The following PCMTD1 variants were observed in gnomAD, a reference collection of about 807,000 sequenced individuals.
PCMTD1 encodes protein-L-isoaspartate (D-aspartate) O-methyltransferase domain containing 1, also known as protein-L-isoaspartate O-methyltransferase domain-containing protein 1.
A neutral mutation model predicts 37.6 loss-of-function variants in PCMTD1; 12 were observed. That is an observed-to-expected ratio of 0.32 (90% CI 0.20 to 0.52). PCMTD1 has a LOEUF of 0.52. PCMTD1 is among the 20% of genes least tolerant of loss of function. The pLI is 0.97. For synonymous variants in PCMTD1, 117 were observed against 135.8 expected, an observed-to-expected ratio of 0.86 and a Z score of 0.96; for missense variants, 235 against 421.3, an observed-to-expected ratio of 0.56 and a Z score of 3.87.
At chr8:51,839,329 A>G in intron 3 of PCMTD1, 1 of 377,964 alleles carries the variant, frequency 2.6e-6, no homozygotes, top group Non-Finnish European at 3.6e-6. Flanking sequence ...AGTAATTGAC[A>G]TACTCTTAAT....
At chr8:51,828,358 G>T (rs2037950837) in intron 5 of PCMTD1, among the ~76,000 whole-genome samples, 1 of 152,086 alleles carries the variant, frequency 6.6e-6, no homozygotes, top group Non-Finnish European at 1.5e-5. Flanking sequence ...TACTATTGTT[G>T]CAAGAAGTAG....
At chr8:51,874,053 C>T (rs1295426725) in intron 1 of PCMTD1, among the ~76,000 whole-genome samples, 1 of 152,060 alleles carries the variant, frequency 6.6e-6, no homozygotes, top group African/African-American at 2.4e-5. Flanking sequence ...GCACGCACCA[C>T]CACGCCTGGC....
intron 3 of PCMTD1, among the ~76,000 whole-genome samples, chr8:51,835,693 T>C (rs2038058110): frequency 6.6e-6 from 1 of 152,234 alleles, no homozygotes; most frequent in Non-Finnish European, 1.5e-5. Context: ...ATTTTTGAAT[T>C]ATTAAACCAC....
At chr8:51,859,297 G>A (rs1413690824) in intron 2 of PCMTD1, among the ~76,000 whole-genome samples, 4 of 151,778 alleles carry the variant, frequency 2.6e-5, no homozygotes, top group Admixed American at 1.3e-4. Flanking sequence ...TTTGCAGACT[G>A]TCTCAAACCC....
rs1042273312 is a variant in PCMTD1 at position 51,898,995 on chromosome 8, G to A, written c.-161C>T. On this transcript the variant is annotated 5_prime_UTR_variant, in exon 1 of 6. Coordinates refer to ENST00000522514, the MANE Select transcript of PCMTD1 (RefSeq NM_052937.4). ...TCGGCGGGGTCCGCAGCAGCCAGAC[G>A]CCGCTACCACCACAATAACAACACG... 6 of 1,507,414 alleles carry A rather than the reference G, an allele frequency of 4.0e-6. No individual in the cohort carries two copies. The highest frequency in any genetic ancestry group is 2.5e-5 in the South Asian group (2 of 80,240). The allele number at this position is 1,507,414 out of a possible 1,614,324, so 93.4% of individuals were successfully genotyped here. A position where few individuals can be genotyped will look rare whatever the true frequency, so the allele number is the denominator to read the frequency against.
At chr8:51,823,159 AG>A (rs2037872789) in intron 5 of PCMTD1, among the ~76,000 whole-genome samples, 1 of 152,182 alleles carries the variant, frequency 6.6e-6, no homozygotes, top group South Asian at 2.1e-4. Flanking sequence ...CATTCATGTG[AG>A]CTTCATTTAA....
rs963048948 is a variant in PCMTD1 at position 51,872,046 on chromosome 8, T to C, written c.-95-10800A>G. Among the ~76,000 whole-genome samples, 23 of 152,350 alleles carry C rather than the reference T, an allele frequency of 1.5e-4. No individual in the cohort carries two copies. In the East Asian group the frequency reaches 1.9e-3, roughly 13 times the overall value. On this transcript the variant is annotated intron_variant, in intron 1 of 5. Coordinates refer to ENST00000522514, the MANE Select transcript of PCMTD1 (RefSeq NM_052937.4). Reference sequence around the variant, plus strand: ...CTTGGAAACAGTGTGAACTCCAAGATAGAGAAACAGTAGATGGTAGTTCTA... The same window carrying C: ...CTTGGAAACAGTGTGAACTCCAAGACAGAGAAACAGTAGATGGTAGTTCTA...
intron 1 of PCMTD1, among the ~76,000 whole-genome samples, chr8:51,868,257 A>G (rs1432772136): frequency 6.6e-6 from 1 of 152,182 alleles, no homozygotes; most frequent in Non-Finnish European, 1.5e-5. Context: ...TACTCGTTTA[A>G]CCACACTGAG....
At chr8:51,863,914 G>C (rs1330200696) in intron 1 of PCMTD1, among the ~76,000 whole-genome samples, 1 of 133,604 alleles carries the variant, frequency 7.5e-6, no homozygotes, top group Admixed American at 8.3e-5. Flanking sequence ...GCGACAGTGA[G>C]ATTCCCTCTC....
chr8:51,878,873 C>T (rs1466528509), intron 1 of PCMTD1, among the ~76,000 whole-genome samples: 1 of 152,112 alleles, frequency 6.6e-6, no homozygotes, highest in Middle Eastern at 3.2e-3. Flanking sequence ...GCCTATAATC[C>T]CAGCACTTTG....
chr8:51,821,123 G>C (rs918076268), intron 5 of PCMTD1, among the ~76,000 whole-genome samples: 2 of 152,192 alleles, frequency 1.3e-5, no homozygotes, highest in Non-Finnish European at 2.9e-5. Flanking sequence ...ACAGATGTGA[G>C]ATCCCATCCC....
At chr8:51,896,811 T>A (rs1216460574) in intron 1 of PCMTD1, among the ~76,000 whole-genome samples, 1 of 149,356 alleles carries the variant, frequency 6.7e-6, no homozygotes, top group Non-Finnish European at 1.5e-5. Context: ...TTTTCGTTCA[T>A]AGGAGGTAAA....
chr8:51,854,931 T>A (rs34973406), intron 2 of PCMTD1, among the ~76,000 whole-genome samples: 17,642 of 150,266 alleles, frequency 0.12, 1,246 homozygotes, highest in East Asian at 0.16. Context: ...TCCAAGCACT[T>A]TGGGAGGCCA....
At position 51,895,934 on chromosome 8, in the gene PCMTD1, A is replaced by ATTTTTTTTTTTTTTTTTT. The variant is rs1563367741; in HGVS notation, c.-96+2995_-96+2996insAAAAAAAAAAAAAAAAAA. 3.4e-5 allele frequency: 4 copies of ATTTTTTTTTTTTTTTTTT among 116,670 alleles called. 2 individuals carry two copies. Among genetic ancestry groups the ATTTTTTTTTTTTTTTTTT allele is most frequent in the Non-Finnish European group, 3.4e-5 (2 of 58,622 alleles). The allele number at this position is 116,670 out of a possible 1,614,324, so 7.2% of individuals were successfully genotyped here. On this transcript the variant is annotated intron_variant, in intron 1 of 5. Coordinates refer to ENST00000522514, the MANE Select transcript of PCMTD1 (RefSeq NM_052937.4). Reference sequence around the variant, plus strand: ...CTTTATTAATGTTAGTATTTGTCCCATTTCTTTTTTTTTTTTTTTTTTTTT... The same window carrying ATTTTTTTTTTTTTTTTTT: ...CTTTATTAATGTTAGTATTTGTCCCATTTTTTTTTTTTTTTTTTTTTCTTTTTTTTTTTTTTTTTTTTT...
At chr8:51,894,807 TAAGAA>T (rs2038978197) in intron 1 of PCMTD1, among the ~76,000 whole-genome samples, 1 of 150,500 alleles carries the variant, frequency 6.6e-6, no homozygotes, top group South Asian at 2.1e-4. Flanking sequence ...AAAAAAATTC[TAAGAA>T]AAGGAGAGAG....
chr8:51,874,142 C>T (rs924578601), intron 1 of PCMTD1, among the ~76,000 whole-genome samples: 1 of 152,132 alleles, frequency 6.6e-6, no homozygotes, highest in Non-Finnish European at 1.5e-5. Flanking sequence ...TCCTGATCCG[C>T]CCACCTTGGC....
Position 51,887,771 on chromosome 8 carries a change from C to A in PCMTD1, c.-96+11159G>T, listed in dbSNP as rs1189139800. 5.9e-5 allele frequency among the ~76,000 whole-genome samples: 8 copies of A among 136,154 alleles called. No homozygotes were observed. The East Asian group carries it at 1.7e-3, about 29-fold the overall frequency. The allele number at this position is 136,154 out of a possible 152,430, so 89.3% of individuals were successfully genotyped here. A position where few individuals can be genotyped will look rare whatever the true frequency, so the allele number is the denominator to read the frequency against. On this transcript the variant is annotated intron_variant, in intron 1 of 5. Transcript: ENST00000522514. The stretch of plus-strand genomic sequence containing the variant: ...TTTTTTTTTTTTTTTGAGACAGAGT[C>A]TTGCTCTGTCACCAGGCTGGAGTGC...
rs771760874 is a variant in PCMTD1 at position 51,827,333 on chromosome 8, G to A, written c.706+4111C>T. The A allele has an allele frequency of 6.9e-5, 80 of 1,152,110 alleles. 1 individual carries two copies. The highest frequency in any genetic ancestry group is 6.8e-4 in the Middle Eastern group (3 of 4,426). 71.4% of individuals were successfully genotyped at this position (1,152,110 alleles called of 1,614,324 possible). On this transcript the variant is annotated intron_variant, in intron 5 of 5. Coordinates refer to ENST00000522514, the MANE Select transcript of PCMTD1 (RefSeq NM_052937.4). ...CTTTATGCACAGTTTCACTTTCCAC[G>A]GTTTCCGCTTTCTATGGTCAACCAA...
chr8:51,842,992 A>G (rs1369879042), intron 3 of PCMTD1, among the ~76,000 whole-genome samples: 2 of 152,176 alleles, frequency 1.3e-5, no homozygotes, highest in Admixed American at 6.5e-5. Flanking sequence ...ATAATTAAAT[A>G]AAACTGCTTA....
Sources: gnomAD v4.1 joint callset for allele counts (sites outside exome capture counted in the v4.1 genomes callset) on GRCh38, gnomAD v4.1.1 for gene constraint, MANE v1.5 for transcripts, NCBI Gene and HGNC (gene_info 2026-07-23, HGNC 2026-07-21) for gene names.